The following LRP1 variants were observed in gnomAD, a reference collection of about 807,000 sequenced individuals.
LRP1 encodes LDL receptor related protein 1.
A neutral mutation model predicts 541.5 loss-of-function variants in LRP1; 51 were observed. That is an observed-to-expected ratio of 0.09 (90% confidence interval 0.08 to 0.12). The LOEUF (loss-of-function observed/expected upper bound fraction) is 0.12, where lower values mean the gene tolerates loss of function less well. Ranked by LOEUF, LRP1 falls within the 10% of genes least tolerant of loss-of-function variation. The pLI is 1.00. For synonymous variants in LRP1, 2,219 were observed against 2,470.8 expected (o/e 0.90, Z 3.02); for missense variants, 3,878 against 6,376.2 (o/e 0.61, Z 13.34).
At position 57,184,273 on chromosome 12, in the gene LRP1, C is replaced by T; in HGVS notation, c.6060-53C>T. ...GCCCATGGCCCATGCTGATGAGGCC[C>T]TGTCTCCTCCAGGGTCTGAGGACTG... On this transcript the variant is annotated intron_variant, in intron 37 of 88. Coordinates refer to ENST00000243077, the MANE Select transcript of LRP1 (RefSeq NM_002332.3). This position sits in a 1 kb window ranked among gnomAD's most constrained non-coding sequence, Gnocchi z 7.8. 6.2e-7 allele frequency: 1 copy of T among 1,613,942 alleles called. No homozygotes were observed. Among genetic ancestry groups the T allele is most frequent in the African/African-American group, 1.3e-5 (1 of 75,054 alleles).
intron 1 of LRP1, among the ~76,000 whole-genome samples, chr12:57,131,813 C>T (rs1179818995): frequency 2.0e-5 from 3 of 152,126 alleles, no homozygotes; most frequent in Non-Finnish European, 2.9e-5. Context: ...GATGACAGCC[C>T]AGGTCCTGGC....
At chr12:57,130,612 GAATAGAAAAAA>G in intron 1 of LRP1, among the ~76,000 whole-genome samples, 1 of 151,986 alleles carries the variant, frequency 6.6e-6, no homozygotes, top group South Asian at 2.1e-4. Flanking sequence ...CTTCTGGGAG[GAATAGAAAAAA>G]AATTTGAGAG....
chr12:57,148,358 C>T (rs1247057474), intron 6 of LRP1, among the ~76,000 whole-genome samples: 1 of 152,096 alleles, frequency 6.6e-6, no homozygotes, highest in Non-Finnish European at 1.5e-5. Context: ...GAAAGTGATA[C>T]ACAAAAGACT....
In LRP1 at chr12:57,201,842, C is replaced by A; in HGVS notation, c.10531C>A (p.Arg3511Ser). Residue 3511 changes from arginine (R) to serine (S), a missense_variant, in exon 67 of 89, where the codon CGT (arginine) becomes AGT (serine). Physicochemically the swap from Arg to Ser is moderately radical, Grantham distance 110. Around this residue, in one of 13 missense-constraint regions of LRP1, gnomAD observed 278 missense variants for 536.3 expected, o/e 0.52. Coordinates refer to ENST00000243077, the MANE Select transcript of LRP1 (RefSeq NM_002332.3). The surrounding 1 kb of genome is among the most constrained non-coding windows in gnomAD (Gnocchi z 6.4). ...CKDSGRCIPA[R>S]WKCDGEDDCG... ...GGATTCGGGCCGCTGCATCCCAGCG[C>A]GTTGGAAGTGTGACGGAGAGGATGA... 6.2e-7 allele frequency: 1 copy of A among 1,614,026 alleles called. No individual in the cohort carries two copies. Among genetic ancestry groups the A allele is most frequent in the Non-Finnish European group, 8.5e-7 (1 of 1,179,986 alleles).
In LRP1 at chr12:57,181,311, C is replaced by T. The variant is rs1169545955; in HGVS notation, c.5662+20C>T. ...GCGAGGGTCAGTGCCTGGCTTTCCT[C>T]CCAGCCTTGTCCCAGCTCCCCAACC... On this transcript the variant is annotated intron_variant, in intron 34 of 88. Transcript: ENST00000243077. 1.9e-6 allele frequency: 3 copies of T among 1,603,104 alleles called. No homozygotes were observed. Among genetic ancestry groups the T allele is most frequent in the Non-Finnish European group, 2.6e-6 (3 of 1,176,110 alleles).
At chr12:57,136,332 C>T (rs1319819962) in intron 1 of LRP1, among the ~76,000 whole-genome samples, 2 of 142,776 alleles carry the variant, frequency 1.4e-5, no homozygotes, top group African/African-American at 2.6e-5. Flanking sequence ...CCCCTGCCAG[C>T]GGTGGGGGTT....
intron 6 of LRP1, among the ~76,000 whole-genome samples, chr12:57,150,248 G>A (rs1376563186): frequency 7.3e-6 from 1 of 136,794 alleles, no homozygotes; most frequent in African/African-American, 2.8e-5. Flanking sequence ...CTGGAGTGCA[G>A]TGATGCAATC....
At chr12:57,199,540 G>T in intron 61 of LRP1, 140 bp downstream of exon 61, 1 of 958,538 alleles carries the variant, frequency 1.0e-6, no homozygotes, top group South Asian at 1.8e-5. Flanking sequence ...CTAGACAGGG[G>T]ATGGTCTGGC....
intron 1 of LRP1, 120 bp downstream of exon 1, chr12:57,129,151 G>C (rs980326060): frequency 9.2e-7 from 1 of 1,085,210 alleles, no homozygotes. Flanking sequence ...TCCCAGTCCA[G>C]CTGACACAGC....
chr12:57,154,560 C>A lies in LRP1; in HGVS notation c.1086C>A (p.Val362=), dbSNP rs139589992. The part of the protein sequence containing the change: ...DMDGQNRTKL[V]DSKIVFPHGI... ...ATGGGCAGAACCGCACCAAGCTCGT[C>A]GACAGCAAGATTGTGTTTCCTCATG... The change falls in exon 8 of 89, where the codon GTC becomes GTA. Residue 362 remains valine, a synonymous_variant. Transcript: ENST00000243077. This position sits in a 1 kb window ranked among gnomAD's most constrained non-coding sequence, Gnocchi z 4.6. 1.9e-6 allele frequency: 3 copies of A among 1,614,162 alleles called. No individual in the cohort carries two copies. Among genetic ancestry groups the A allele is most frequent in the Non-Finnish European group, 2.5e-6 (3 of 1,180,014 alleles).
rs368070024 is a variant in LRP1 at position 57,178,310 on chromosome 12, G to C, written c.4362-49G>C. Reference sequence around the variant, plus strand: ...GGTGGGCACCTGGGCAGAGCTCTGAGGGCTGAGATCCCAGCTGGCATCCTC... The same window carrying C: ...GGTGGGCACCTGGGCAGAGCTCTGACGGCTGAGATCCCAGCTGGCATCCTC... On this transcript the variant is annotated intron_variant, in intron 26 of 88. Transcript: ENST00000243077. This position sits in a 1 kb window ranked among gnomAD's most constrained non-coding sequence, Gnocchi z 5.8. 6.3e-7 allele frequency: 1 copy of C among 1,582,104 alleles called. No homozygotes were observed. Among genetic ancestry groups the C allele is most frequent in the Non-Finnish European group, 8.6e-7 (1 of 1,162,062 alleles).
rs767198735 is a variant in LRP1 at position 57,197,313 on chromosome 12, C to G, written c.9091C>G (p.Leu3031Val). ...CKAVTDEEPF[L>V]IFANRYYLRK... is the part of the protein sequence containing the mutation. The stretch of plus-strand genomic sequence containing the variant: ...TCTGTCTGCAGACGAGGAACCGTTT[C>G]TGATCTTCGCCAACCGGTACTACCT... Residue 3031 changes from leucine to valine, a missense_variant, in exon 57 of 89, where the codon CTG (leucine) becomes GTG (valine). This residue lies in a region of LRP1 where 1,100 missense variants were observed against 1,827.4 expected (regional missense o/e 0.60). Transcript: ENST00000243077. This position sits in a 1 kb window ranked among gnomAD's most constrained non-coding sequence, Gnocchi z 4.5. 6.2e-7 allele frequency: 1 copy of G among 1,614,188 alleles called. No individual in the cohort carries two copies. Among genetic ancestry groups the G allele is most frequent in the Non-Finnish European group, 8.5e-7 (1 of 1,180,018 alleles).
Position 57,194,622 on chromosome 12 carries a change from G to C in LRP1, c.8114G>C (p.Ser2705Thr), listed in dbSNP as rs1592650429. Residue 2705 changes from serine (S) to threonine (T), a missense_variant, in exon 50 of 89, where the codon AGT becomes ACT. By Grantham distance (58) the Ser-to-Thr change is moderately conservative. Coordinates refer to ENST00000243077, the MANE Select transcript of LRP1 (RefSeq NM_002332.3). The part of the protein sequence containing the change: ...RCPLNYFACP[S>T]GRCIPMSWTC... ...CCTCTGAATTACTTCGCCTGCCCTA[G>C]TGGGCGCTGCATCCCCATGAGCTGG... The C allele has an allele frequency of 1.2e-6, 2 of 1,610,784 alleles. No individual in the cohort carries two copies. The highest frequency in any genetic ancestry group is 1.7e-6 in the Non-Finnish European group (2 of 1,179,216).
In LRP1 at chr12:57,185,736, C is replaced by T. The variant is rs774487971; in HGVS notation, c.6669C>T (p.Pro2223=). ...CGGATGAGCGCAACCTCAATGCGCCCGTGCAGCCCTTCGAGGACCCTGAGC... is the reference window on the plus strand; with the variant it reads ...CGGATGAGCGCAACCTCAATGCGCCTGTGCAGCCCTTCGAGGACCCTGAGC... ...HLSDERNLNA[P]VQPFEDPEHM... Residue 2223 remains proline (P), a synonymous_variant, in exon 41 of 89, where the codon CCC becomes CCT. Coordinates refer to ENST00000243077, the MANE Select transcript of LRP1 (RefSeq NM_002332.3). The surrounding 1 kb of genome is among the most constrained non-coding windows in gnomAD (Gnocchi z 4.9). The T allele has an allele frequency of 1.2e-5, 20 of 1,614,112 alleles. No individual in the cohort carries two copies. The South Asian group carries it at 1.6e-4, about 13-fold the overall frequency.
chr12:57,150,363 T>C (rs2035504425), intron 6 of LRP1, among the ~76,000 whole-genome samples: 1 of 151,862 alleles, frequency 6.6e-6, no homozygotes, highest in South Asian at 2.1e-4. Flanking sequence ...GGCTAATTTT[T>C]TGTGTTTTTA....
At chr12:57,164,969 A>C (rs1044352913) in intron 15 of LRP1, 5 of 152,340 alleles carry the variant, frequency 3.3e-5, no homozygotes, top group African/African-American at 1.2e-4. Context: ...GCCAGGAGCT[A>C]AAAACCCTTA....
At chr12:57,167,154 C>A in intron 18 of LRP1, 108 bp downstream of exon 18, 1 of 873,920 alleles carries the variant, frequency 1.1e-6, no homozygotes, top group Non-Finnish European at 1.9e-6. Flanking sequence ...CTTGGGTGGC[C>A]TTGAGTGAGT....
chr12:57,136,395 G>GGC (rs1555179757), intron 1 of LRP1, among the ~76,000 whole-genome samples: 6 of 99,122 alleles, frequency 6.1e-5, no homozygotes, highest in Admixed American at 4.0e-4. Flanking sequence ...CCTCCTAAGA[G>GGC]CCCCCCCCCC....
chr12:57,147,224 C>A (rs1431127048), intron 6 of LRP1, among the ~76,000 whole-genome samples: 1 of 152,114 alleles, frequency 6.6e-6, no homozygotes, highest in Non-Finnish European at 1.5e-5. Flanking sequence ...TTCCTCCCTG[C>A]CCTCCCCCTG....
Sources: gnomAD v4.1 joint callset for allele counts (sites outside exome capture counted in the v4.1 genomes callset) on GRCh38, gnomAD v4.1.1 for gene constraint, gnomAD v4.1.1 regional missense constraint, Gnocchi (gnomAD v3.1) non-coding constraint, MANE v1.5 for transcripts, NCBI Gene and HGNC (gene_info 2026-07-23, HGNC 2026-07-21) for gene names.